Variants in DST observed in about 807,000 individuals in gnomAD.
The protein encoded by DST is bullous pemphigoid antigen.
DST carries 253 observed loss-of-function variants against 875.2 expected under a neutral mutation model. The ratio of observed to expected loss-of-function variants is 0.29; its 90% confidence interval spans 0.26 to 0.32. DST has a LOEUF of 0.32. DST is among the 10% of genes least tolerant of loss of function. The pLI is 1.00. For missense variants in DST, 8,287 were observed against 9,111.6 expected, an observed-to-expected ratio of 0.91 and a Z score of 3.68; for synonymous variants, 3,124 against 3,197.1, an observed-to-expected ratio of 0.98 and a Z score of 0.77.
At chr6:56,600,730 G>A (rs530455653) in intron 44 of DST, among the ~76,000 whole-genome samples, 4 of 152,008 alleles carry the variant, frequency 2.6e-5, no homozygotes, top group South Asian at 4.1e-4. Flanking sequence ...CTCTTTGCTC[G>A]TTATTGCTAT....
rs183662895 is a variant in DST, at chr6:56,657,572, G to A, written c.1215-6328C>T. On this transcript the variant is annotated intron_variant, in intron 10 of 103. Transcript: ENST00000680361. Reference sequence around the variant, plus strand: ...AAAGAAGAATGGTGGTTGTCAACGGGTGGGGGGAGAGAGAAATGGGGAATT... The same window carrying A: ...AAAGAAGAATGGTGGTTGTCAACGGATGGGGGGAGAGAGAAATGGGGAATT... Among the ~76,000 whole-genome samples, 11 of 152,268 alleles carry A rather than the reference G, an allele frequency of 7.2e-5. 1 individual carries two copies. Among genetic ancestry groups the A allele is most frequent in the Admixed American group, 7.2e-4 (11 of 15,288 alleles).
chr6:56,528,978 T>A, intron 66 of DST, 53 bp from the exon 67 acceptor site: 1 of 1,072,908 alleles, frequency 9.3e-7, no homozygotes. Flanking sequence ...TAAGTTAGCA[T>A]TAACATTAGT....
Position 56,517,295 on chromosome 6 carries a change from A to G in DST, c.18260T>C (p.Met6087Thr), listed in dbSNP as rs748212704. 6.2e-6 allele frequency: 10 copies of G among 1,611,934 alleles called. No individual in the cohort carries two copies. The highest frequency in any genetic ancestry group is 8.5e-6 in the Non-Finnish European group (10 of 1,178,876). The change falls in exon 71 of 104, where the codon ATG (methionine) becomes ACG (threonine). Residue 6087 changes from methionine (M) to threonine (T), a missense_variant. Met to Thr is a moderately conservative substitution (Grantham distance 81, BLOSUM62 -1). This residue lies in a region of DST where 777 missense variants were observed against 764.8 expected (regional missense o/e 1.02). Transcript: ENST00000680361. ...AQLQVQKTFT[M>T]EILRHKDIID... ...AATATCCTTGTGTCTCAAAATCTCCATGGTGAATGTCTGTGATTTACCAAA... is the reference window on the plus strand; with the variant it reads ...AATATCCTTGTGTCTCAAAATCTCCGTGGTGAATGTCTGTGATTTACCAAA...
chr6:56,757,736 TG>T (rs1419303662), intron 4 of DST, among the ~76,000 whole-genome samples: 2 of 152,172 alleles, frequency 1.3e-5, no homozygotes, highest in Non-Finnish European at 2.9e-5. Flanking sequence ...ACAGACCCGA[TG>T]AATATGGCTC....
intron 55 of DST, among the ~76,000 whole-genome samples, chr6:56,565,572 A>G (rs1433908252): frequency 6.6e-6 from 1 of 151,950 alleles, no homozygotes; most frequent in Non-Finnish European, 1.5e-5. Context: ...TTCAGAACTT[A>G]TTGGTTTACT....
chr6:56,650,686 C>T lies in DST; in HGVS notation c.1434+240G>A, dbSNP rs192409146. ...TTAAACCTTTTATTTATAAGATGAT[C>T]GGTAACTATAAATAGCCTCTTTTAT... On this transcript the variant is annotated intron_variant, in intron 12 of 103. Coordinates refer to ENST00000680361, the MANE Select transcript of DST (RefSeq NM_001374736.1). Among the ~76,000 whole-genome samples, 561 of 152,222 alleles carry T rather than the reference C, an allele frequency of 3.7e-3. 3 individuals are homozygous for T. Among genetic ancestry groups the T allele is most frequent in the Non-Finnish European group, 6.3e-3 (430 of 67,984 alleles).
chr6:56,856,975 A>G (rs1366741895), intron 3 of DST, among the ~76,000 whole-genome samples: 1 of 152,014 alleles, frequency 6.6e-6, no homozygotes, highest in African/African-American at 2.4e-5. Flanking sequence ...ATAAATCTGA[A>G]TATTTTCAAA....
At chr6:56,644,373 C>T (rs1587650425) in intron 15 of DST, among the ~76,000 whole-genome samples, 1 of 152,106 alleles carries the variant, frequency 6.6e-6, no homozygotes, top group Non-Finnish European at 1.5e-5. Flanking sequence ...TAGACATGCT[C>T]TCATATATTT....
chr6:56,542,031 G>A (rs1006380690), intron 61 of DST, among the ~76,000 whole-genome samples: 1 of 152,074 alleles, frequency 6.6e-6, no homozygotes, highest in Non-Finnish European at 1.5e-5. Flanking sequence ...TGTTAATTTC[G>A]GCAGAGCTCT....
intron 88 of DST, chr6:56,483,443 A>C (rs2095462498): frequency 6.6e-6 from 1 of 151,358 alleles, no homozygotes; most frequent in Non-Finnish European, 1.5e-5. Flanking sequence ...GTCTTTCATA[A>C]TATCTTAGGT....
chr6:56,767,175 T>C (rs2099635569), intron 4 of DST, among the ~76,000 whole-genome samples: 1 of 152,210 alleles, frequency 6.6e-6, no homozygotes, highest in South Asian at 2.1e-4. Context: ...CAGTCTCAAC[T>C]TACACATTCA....
intron 94 of DST, among the ~76,000 whole-genome samples, chr6:56,471,511 T>C (rs1039927181): frequency 6.6e-6 from 1 of 152,168 alleles, no homozygotes; most frequent in Non-Finnish European, 1.5e-5. Context: ...TTCTGATTAA[T>C]GCCAAAGTCA....
chr6:56,786,023 T>C (rs1221519614), intron 4 of DST: 1 of 152,248 alleles, frequency 6.6e-6, no homozygotes, highest in Non-Finnish European at 1.5e-5. Context: ...GTATTATAGT[T>C]AACTCTCTGA....
rs143618265 is a variant in DST, at chr6:56,699,567, T to C, written c.1047+86A>G. ...AAGCTTGAAATTTATTTTTCTTCCA[T>C]AGAACATGAATGCATCATTCACCCT... is the stretch of plus-strand genomic sequence containing the variant. On this transcript the variant is annotated intron_variant, in intron 9 of 103. Coordinates refer to ENST00000680361, the MANE Select transcript of DST (RefSeq NM_001374736.1). 1.1e-3 allele frequency: 658 copies of C among 621,652 alleles called. 3 individuals are homozygous for C. In the African/African-American group the frequency reaches 0.011, roughly 11 times the overall value. 38.5% of individuals were successfully genotyped at this position (621,652 alleles called of 1,614,324 possible).
chr6:56,674,155 G>A lies in DST; in HGVS notation c.1048-3348C>T, dbSNP rs752048198. On this transcript the variant is annotated intron_variant, in intron 9 of 103. Coordinates refer to ENST00000680361, the MANE Select transcript of DST (RefSeq NM_001374736.1). ...AGGTCAGATTCTAGAAAGTAATCAA[G>A]CTACCTCCCTTCAAAACCCGGAGGC... Among the ~76,000 whole-genome samples, 7 of 152,116 alleles carry A rather than the reference G, an allele frequency of 4.6e-5. No individual in the cohort carries two copies. In the South Asian group the frequency reaches 8.3e-4, roughly 18 times the overall value.
Position 56,640,577 on chromosome 6 carries a change from C to T in DST, c.2056G>A (p.Ala686Thr), listed in dbSNP as rs200759759. 6.2e-7 allele frequency: 1 copy of T among 1,614,114 alleles called. No individual in the cohort carries two copies. The highest frequency in any genetic ancestry group is 2.2e-5 in the East Asian group (1 of 44,888). The part of the protein sequence containing the change: ...RVAKLRDEIM[A>T]LRNECSSVYS... ...ACAGAAGAACATTCGTTCCTTAAGG[C>T]CATAATTTCGTCACGCAGTTTTGCA... is the stretch of plus-strand genomic sequence containing the variant. The change falls in exon 18 of 104, where the codon GCC becomes ACC. Residue 686 changes from alanine to threonine, a missense_variant. Physicochemically the swap from Ala to Thr is moderately conservative, Grantham distance 58. This residue lies in a region of DST where 1,160 missense variants were observed against 1,424.3 expected (regional missense o/e 0.81). Coordinates refer to ENST00000680361, the MANE Select transcript of DST (RefSeq NM_001374736.1).
At chr6:56,851,133 T>A (rs988034735) in intron 4 of DST, 2 of 505,864 alleles carry the variant, frequency 4.0e-6, no homozygotes, top group Admixed American at 3.2e-5. Flanking sequence ...TTAGTGCAAA[T>A]GTCTGTAAAT....
At chr6:56,816,374 A>G (rs2099766505) in intron 4 of DST, among the ~76,000 whole-genome samples, 1 of 152,154 alleles carries the variant, frequency 6.6e-6, no homozygotes, top group Non-Finnish European at 1.5e-5. Context: ...TGAGGAGAAT[A>G]GTGAGACCTG....
At chr6:56,862,601 G>A (rs569976036) in intron 3 of DST, among the ~76,000 whole-genome samples, 9 of 152,240 alleles carry the variant, frequency 5.9e-5, no homozygotes, top group Non-Finnish European at 1.5e-5. Flanking sequence ...TTGCTGAAGG[G>A]TTATAAGTAG....
Sources: gnomAD v4.1 joint callset for allele counts (sites outside exome capture counted in the v4.1 genomes callset) on GRCh38, gnomAD v4.1.1 for gene constraint, gnomAD v4.1.1 regional missense constraint, MANE v1.5 for transcripts, NCBI Gene and HGNC (gene_info 2026-07-23, HGNC 2026-07-21) for gene names.